Variants in RBBP8NL observed in about 807,000 individuals in gnomAD.
RBBP8NL encodes the protein RBBP8 N-terminal-like protein.
A neutral mutation model predicts 62.2 loss-of-function variants in RBBP8NL; 59 were observed. That is an observed-to-expected ratio of 0.95 (90% confidence interval 0.77 to 1.18). The LOEUF is 1.18. RBBP8NL is among the 50% of genes most tolerant of loss of function. RBBP8NL has a pLI of 0.00. For missense variants in RBBP8NL, 896 were observed against 899.5 expected, an observed-to-expected ratio of 1.00 and a Z score of 0.05; for synonymous variants, 412 against 394.1, an observed-to-expected ratio of 1.05 and a Z score of -0.54.
intron 1 of RBBP8NL, among the ~76,000 whole-genome samples, chr20:62,420,165 G>A (rs1474667728): frequency 2.0e-5 from 3 of 152,170 alleles, no homozygotes; most frequent in African/African-American, 7.2e-5. Context: ...CTGCCCAGCT[G>A]TGAAGCTGGG....
At chr20:62,427,289 G>C (rs1299474562) in intron 1 of RBBP8NL, among the ~76,000 whole-genome samples, 171 bp downstream of exon 1, 2 of 152,236 alleles carry the variant, frequency 1.3e-5, no homozygotes, top group Non-Finnish European at 2.9e-5. Context: ...CCCTGGACCA[G>C]GAGCAGCCTT....
chr20:62,417,111 G>C, intron 4 of RBBP8NL, 113 bp downstream of exon 4: 1 of 819,984 alleles, frequency 1.2e-6, no homozygotes, highest in Non-Finnish European at 1.9e-6. Flanking sequence ...AAACCTTCCT[G>C]GTTCAGTTTA....
At chr20:62,415,749 G>C (rs983443886) in intron 7 of RBBP8NL, 39 bp downstream of exon 7, 26 of 1,609,920 alleles carry the variant, frequency 1.6e-5, no homozygotes, top group Admixed American at 5.0e-5. Context: ...TGGTCCTGCG[G>C]GGGCCCAGCC....
chr20:62,421,902 C>A (rs890382666), intron 1 of RBBP8NL, among the ~76,000 whole-genome samples: 1 of 151,118 alleles, frequency 6.6e-6, no homozygotes, highest in Admixed American at 6.6e-5. Context: ...CGTGCCCAAG[C>A]CAGTGTGCAT....
chr20:62,416,265 CCAGGGGTTGGGGGGGA>C, intron 5 of RBBP8NL, 29 bp from the exon 6 acceptor site: 2 of 649,994 alleles, frequency 3.1e-6, no homozygotes, highest in Non-Finnish European at 5.0e-6. Context: ...AGCAAAGCAG[CCAGGGGTTGGGGGGGA>C]CAGGGGCAGG....
At position 62,417,209 on chromosome 20, in the gene RBBP8NL, T is replaced by A; in HGVS notation, c.200+15A>T. ...CCGGTCCTGGCCATGCTGCGAGGTG[T>A]CCTCCCAGGCCCACCTGTTCTCCAG... On this transcript the variant is annotated intron_variant, in intron 4 of 13. Coordinates refer to ENST00000252998, the MANE Select transcript of RBBP8NL (RefSeq NM_080833.3). 1 of 1,578,202 alleles carries A rather than the reference T, an allele frequency of 6.3e-7. No individual in the cohort carries two copies. The highest frequency in any genetic ancestry group is 1.8e-5 in the Admixed American group (1 of 56,326).
intron 1 of RBBP8NL, among the ~76,000 whole-genome samples, chr20:62,420,350 GCACACACACACACACA>G (rs55946617): frequency 1.7e-4 from 22 of 129,844 alleles, no homozygotes; most frequent in East Asian, 6.3e-4. Context: ...TGTCCCACAG[GCACACACACACACACA>G]CACACACACA....
At position 62,410,827 on chromosome 20, in the gene RBBP8NL, G is replaced by A. The variant is rs763926443; in HGVS notation, c.*51C>T. On this transcript the variant is annotated 3_prime_UTR_variant, in exon 14 of 14. Transcript: ENST00000252998. ...TGGTGTGCCCTCTCCAGGCCCTGGT[G>A]GGCAGGTGGAGGGCTGCCCCGGGCT... The A allele has an allele frequency of 7.9e-7, 1 of 1,272,652 alleles. No individual in the cohort carries two copies. Among genetic ancestry groups the A allele is most frequent in the Non-Finnish European group, 1.1e-6 (1 of 881,544 alleles). 78.8% of individuals were successfully genotyped at this position (1,272,652 alleles called of 1,614,324 possible).
intron 13 of RBBP8NL, among the ~76,000 whole-genome samples, chr20:62,411,232 G>A (rs918970045): frequency 2.0e-5 from 3 of 152,190 alleles, no homozygotes; most frequent in East Asian, 1.9e-4. Flanking sequence ...GTGTGACCCC[G>A]AACACGGCAC....
chr20:62,416,422 A>G (rs1402019071), intron 5 of RBBP8NL, among the ~76,000 whole-genome samples, 186 bp from the exon 6 acceptor site: 1 of 152,174 alleles, frequency 6.6e-6, no homozygotes, highest in Non-Finnish European at 1.5e-5. Flanking sequence ...TTGAATGAGC[A>G]GTGCCGGCCT....
rs1437027227 is a variant in RBBP8NL, at chr20:62,412,898, G to T, written c.1678C>A (p.Pro560Thr). ...QPPDLDGHPE[P>T]SKAEVLRPES... The stretch of plus-strand genomic sequence containing the variant: ...GGTCTCAGCACTTCAGCCTTGCTGG[G>T]CTCTGAAGGATGCAGAGTGTGGGGT... Residue 560 changes from proline (P) to threonine (T), a missense_variant and splice_region_variant, in exon 12 of 14, where the codon CCC (proline) becomes ACC (threonine). Coordinates refer to ENST00000252998, the MANE Select transcript of RBBP8NL (RefSeq NM_080833.3). 6.2e-7 allele frequency: 1 copy of T among 1,613,116 alleles called. No homozygotes were observed.
chr20:62,425,160 C>T (rs185483654), intron 1 of RBBP8NL, among the ~76,000 whole-genome samples: 2 of 152,174 alleles, frequency 1.3e-5, no homozygotes, highest in Admixed American at 6.5e-5. Context: ...CCAGGAGCTC[C>T]GTAGACAGGA....
chr20:62,419,261 G>A (rs1171282784), intron 2 of RBBP8NL, among the ~76,000 whole-genome samples: 1 of 152,220 alleles, frequency 6.6e-6, no homozygotes, highest in Admixed American at 6.5e-5. Flanking sequence ...ACAAAGCATG[G>A]GCAGCATGGG....
At position 62,416,665 on chromosome 20, in the gene RBBP8NL, G is replaced by C; in HGVS notation, c.313+95C>G. 6 of 811,338 alleles carry C rather than the reference G, an allele frequency of 7.4e-6. No homozygotes were observed. In the South Asian group the frequency reaches 9.5e-5, roughly 13 times the overall value. The allele number at this position is 811,338 out of a possible 1,614,324, so 50.3% of individuals were successfully genotyped here. A position where few individuals can be genotyped will look rare whatever the true frequency, so the allele number is the denominator to read the frequency against. ...CCAGTGGTGTGGGGCCGATCGTCCT[G>C]CCTCCTTTCCCCATGCCCCTACATG... On this transcript the variant is annotated intron_variant, in intron 5 of 13. Transcript: ENST00000252998.
At chr20:62,415,365 T>A (rs1224299292) in intron 8 of RBBP8NL, 78 bp from the exon 9 acceptor site, 1 of 1,461,988 alleles carries the variant, frequency 6.8e-7, no homozygotes, top group Non-Finnish European at 9.1e-7. Flanking sequence ...CTCTGCTGCC[T>A]GCCCTGGGCT....
chr20:62,422,553 TGGGGAC>T (rs1988723809), intron 1 of RBBP8NL, among the ~76,000 whole-genome samples: 2 of 76,926 alleles, frequency 2.6e-5, no homozygotes, highest in African/African-American at 5.2e-5. Flanking sequence ...GGGCCTGGGG[TGGGGAC>T]GGGGACTGGG....
intron 1 of RBBP8NL, among the ~76,000 whole-genome samples, chr20:62,421,491 G>A (rs896514594): frequency 1.4e-5 from 2 of 143,206 alleles, no homozygotes; most frequent in African/African-American, 2.9e-5. Context: ...CAGTGTGCAT[G>A]TGTGTGCTGT....
At chr20:62,421,471 A>ATCTGTTTT (rs1988698516) in intron 1 of RBBP8NL, among the ~76,000 whole-genome samples, 1 of 138,902 alleles carries the variant, frequency 7.2e-6, no homozygotes, top group African/African-American at 2.9e-5. Flanking sequence ...GTGTGTGTGC[A>ATCTGTTTT]TGCCCAAGTC....
At chr20:62,423,215 C>G (rs1054102443) in intron 1 of RBBP8NL, among the ~76,000 whole-genome samples, 3 of 152,146 alleles carry the variant, frequency 2.0e-5, no homozygotes, top group Non-Finnish European at 4.4e-5. Flanking sequence ...GACCACACCA[C>G]GAAGACCTCG....
Sources: allele counts gnomAD v4.1 joint callset (sites outside exome capture counted in the v4.1 genomes callset), GRCh38; gene constraint gnomAD v4.1.1; transcripts MANE v1.5; gene names NCBI Gene and HGNC (gene_info 2026-07-23, HGNC 2026-07-21).